Variants in SQOR observed in about 807,000 individuals in gnomAD.
The protein encoded by SQOR is sulfide:quinone oxidoreductase, mitochondrial.
SQOR carries 39 observed loss-of-function variants against 48.6 expected under a neutral mutation model. The ratio of observed to expected loss-of-function variants is 0.80; its 90% CI spans 0.62 to 1.05. The LOEUF (loss-of-function observed/expected upper bound fraction) is 1.05, where lower values mean the gene tolerates loss of function less well. SQOR is among the 50% of genes least tolerant of loss of function. The pLI, the probability that SQOR is intolerant of heterozygous loss-of-function variation, is 0.00. For missense variants in SQOR, 561 were observed against 559.9 expected (o/e 1.00, Z -0.02); for synonymous variants, 220 against 206.2 (o/e 1.07, Z -0.57).
chr15:45,652,556 C>T (rs1220243407), intron 1 of SQOR, among the ~76,000 whole-genome samples: 1 of 149,012 alleles, frequency 6.7e-6, no homozygotes, highest in Non-Finnish European at 1.5e-5. Context: ...GTTGGCCAGG[C>T]TGTTCTGAAA....
intron 7 of SQOR, among the ~76,000 whole-genome samples, chr15:45,687,212 C>T (rs527506647): frequency 9.9e-5 from 15 of 151,326 alleles, no homozygotes; most frequent in Non-Finnish European, 1.8e-4. Flanking sequence ...CTGCAACCTC[C>T]GCGATTCTCC....
rs922171295 is a variant in SQOR, at chr15:45,651,877, CCTTCTT to C, written c.-17-7017_-17-7012del. On this transcript the variant is annotated intron_variant, in intron 1 of 9. Coordinates refer to ENST00000260324, the MANE Select transcript of SQOR (RefSeq NM_021199.4). ...TTCTTCTTCTCCTTCTCCTCCTTCT[CCTTCTT>C]CTTCTTCTTCTTTCTTTTTTTTAAA... Among the ~76,000 whole-genome samples, 8 of 151,892 alleles carry C rather than the reference CCTTCTT, an allele frequency of 5.3e-5. No individual in the cohort carries two copies. The East Asian group carries it at 1.2e-3, about 22-fold the overall frequency.
intron 3 of SQOR, among the ~76,000 whole-genome samples, chr15:45,668,943 CT>C (rs1448834886): frequency 2.6e-5 from 4 of 151,846 alleles, no homozygotes; most frequent in African/African-American, 7.3e-5. Flanking sequence ...GAAGAAGGGA[CT>C]TTTTTCATCC....
chr15:45,655,563 G>A (rs1265526625), intron 1 of SQOR, among the ~76,000 whole-genome samples: 1 of 151,888 alleles, frequency 6.6e-6, no homozygotes, highest in Non-Finnish European at 1.5e-5. Context: ...GAAAATTTGT[G>A]AAAAGTACAT....
rs143200108 is a variant in SQOR at position 45,661,942 on chromosome 15, C to T, written c.235-13C>T. 1 of 1,612,058 alleles carries T rather than the reference C, an allele frequency of 6.2e-7. No homozygotes were observed. The highest frequency in any genetic ancestry group is 8.5e-7 in the Non-Finnish European group (1 of 1,178,852). On this transcript the variant is annotated splice_polypyrimidine_tract_variant and intron_variant, in intron 2 of 9. Transcript: ENST00000260324. ...TCAAATTGCAATAAATCTTCAAATACTTTGTTTCTCAGAGACATTTCTACC... is the reference window on the plus strand; with the variant it reads ...TCAAATTGCAATAAATCTTCAAATATTTTGTTTCTCAGAGACATTTCTACC...
chr15:45,631,369 G>C (rs1256957940), upstream of SQOR: 1 of 152,404 alleles, frequency 6.6e-6, no homozygotes, highest in Non-Finnish European at 1.5e-5. Flanking sequence ...GAAACACCAT[G>C]TGATGCTTGC....
At chr15:45,662,427 G>A (rs1595501106) in intron 3 of SQOR, among the ~76,000 whole-genome samples, 1 of 152,146 alleles carries the variant, frequency 6.6e-6, no homozygotes, top group African/African-American at 2.4e-5. Context: ...TTGTTTATAC[G>A]TTGCTACATG....
At chr15:45,684,474 T>G (rs963890039) in intron 7 of SQOR, among the ~76,000 whole-genome samples, 4 of 152,196 alleles carry the variant, frequency 2.6e-5, no homozygotes, top group Non-Finnish European at 5.9e-5. Flanking sequence ...GTTATATGTT[T>G]TGGCAAAAAT....
chr15:45,646,879 G>A (rs973495017), intron 1 of SQOR, among the ~76,000 whole-genome samples: 2 of 151,976 alleles, frequency 1.3e-5, no homozygotes, highest in Non-Finnish European at 2.9e-5. Flanking sequence ...GAATCTCGGT[G>A]TATATTTCTG....
At position 45,685,447 on chromosome 15, in the gene SQOR, C is replaced by A. The variant is rs560509774; in HGVS notation, c.1048+2786C>A. ...CTCATGTCCCCTTCTCTGCTTCTCT[C>A]TGCCCCAGGATGCTCCTTTAATTAC... On this transcript the variant is annotated intron_variant, in intron 7 of 9. Coordinates refer to ENST00000260324, the MANE Select transcript of SQOR (RefSeq NM_021199.4). 2.0e-5 allele frequency among the ~76,000 whole-genome samples: 3 copies of A among 152,330 alleles called. No homozygotes were observed. In the East Asian group the frequency reaches 5.8e-4, roughly 29 times the overall value.
chr15:45,671,431 T>G (rs1889940625), intron 4 of SQOR, among the ~76,000 whole-genome samples: 1 of 152,190 alleles, frequency 6.6e-6, no homozygotes, highest in African/African-American at 2.4e-5. Flanking sequence ...GTGCTGGGAT[T>G]ACAGGCGTGA....
intron 1 of SQOR, among the ~76,000 whole-genome samples, chr15:45,650,912 T>TC (rs1889472201): frequency 1.3e-5 from 2 of 152,210 alleles, no homozygotes; most frequent in South Asian, 4.1e-4. Context: ...GTAAAAGTTC[T>TC]CCAAGTCCCC....
intron 1 of SQOR, among the ~76,000 whole-genome samples, chr15:45,635,527 T>C (rs557446123): frequency 6.6e-6 from 1 of 152,190 alleles, no homozygotes; most frequent in African/African-American, 2.4e-5. Context: ...CCACCGACAC[T>C]GCGCGTGGGA....
chr15:45,638,991 G>C (rs1227622331), intron 1 of SQOR, among the ~76,000 whole-genome samples: 1 of 152,170 alleles, frequency 6.6e-6, no homozygotes, highest in Non-Finnish European at 1.5e-5. Flanking sequence ...CTGTTCTCTA[G>C]ACTTCATCTA....
At chr15:45,681,822 G>A (rs193113168) in intron 6 of SQOR, among the ~76,000 whole-genome samples, 32 of 152,158 alleles carry the variant, frequency 2.1e-4, no homozygotes, top group South Asian at 1.9e-3. Context: ...ACCTTGATAC[G>A]GTGTTTTGGA....
chr15:45,663,849 C>A (rs1426669008), intron 3 of SQOR, among the ~76,000 whole-genome samples: 1 of 152,184 alleles, frequency 6.6e-6, no homozygotes, highest in Non-Finnish European at 1.5e-5. Flanking sequence ...GGCCTCCATT[C>A]ATTCATTCTA....
At chr15:45,644,916 A>G (rs1895178160) in intron 1 of SQOR, among the ~76,000 whole-genome samples, 1 of 152,172 alleles carries the variant, frequency 6.6e-6, no homozygotes, top group South Asian at 2.1e-4. Context: ...ATTGGTTTAC[A>G]TATCAAAGGT....
rs184021038 is a variant in SQOR, at chr15:45,654,085, G to A, written c.-17-4822G>A. Among the ~76,000 whole-genome samples, 360 of 147,036 alleles carry A rather than the reference G, an allele frequency of 2.4e-3. 3 individuals are homozygous for A. Among genetic ancestry groups the A allele is most frequent in the Non-Finnish European group, 3.8e-3 (257 of 67,354 alleles). The stretch of plus-strand genomic sequence containing the variant: ...TGCAGTGAGCCAAGATCTCCCCACT[G>A]TACTCCAGCCTGGGTGACAGAGTGA... On this transcript the variant is annotated intron_variant, in intron 1 of 9. Transcript: ENST00000260324.
rs117825626 is a variant in SQOR, at chr15:45,687,127, G to A, written c.1049-1210G>A. Among the ~76,000 whole-genome samples the A allele has an allele frequency of 4.5e-3, 689 of 152,078 alleles. 5 individuals carry two copies. The highest frequency in any genetic ancestry group is 0.016 in the East Asian group (84 of 5,156). ...AAACTGCTGTCTCCTTAAAAGGGTA[G>A]TCTTTTTTTGTTTTTCTGAGGTGGC... On this transcript the variant is annotated intron_variant, in intron 7 of 9. Transcript: ENST00000260324.
Sources: allele counts gnomAD v4.1 joint callset (sites outside exome capture counted in the v4.1 genomes callset), GRCh38; gene constraint gnomAD v4.1.1; transcripts MANE v1.5; gene names NCBI Gene and HGNC (gene_info 2026-07-23, HGNC 2026-07-21).